PLSCR4: variants seen among roughly 807,000 people sequenced by gnomAD.
PLSCR4 encodes the protein phospholipid scramblase 4, also known as Ca(2+)-dependent phospholipid scramblase 4.
In PLSCR4, 25 loss-of-function variants were observed where a neutral mutation model predicts 36.3. The ratio of observed to expected loss-of-function variants is 0.69; its 90% CI spans 0.50 to 0.96. The LOEUF is 0.96. Ranked by LOEUF, PLSCR4 falls within the 40% of genes least tolerant of loss-of-function variation. PLSCR4 has a pLI of 0.00. For synonymous variants in PLSCR4, 122 were observed against 132.9 expected (o/e 0.92, Z 0.56); for missense variants, 408 against 414.7 (o/e 0.98, Z 0.14).
At chr3:146,195,640 C>T (rs1398955067) in intron 7 of PLSCR4, among the ~76,000 whole-genome samples, 3 of 152,082 alleles carry the variant, frequency 2.0e-5, no homozygotes, top group Admixed American at 1.3e-4. Context: ...GAGCAAAAAC[C>T]GGGAAACAAG....
At chr3:146,238,263 G>T (rs963079839) in intron 1 of PLSCR4, among the ~76,000 whole-genome samples, 1 of 149,830 alleles carries the variant, frequency 6.7e-6, no homozygotes, top group African/African-American at 2.4e-5. Flanking sequence ...TACTTAATAA[G>T]GAATGAATAT....
rs561128520 is a variant in PLSCR4 at position 146,222,811 on chromosome 3, G to A, written c.-21-719C>T. Among the ~76,000 whole-genome samples the A allele has an allele frequency of 3.9e-5, 6 of 152,280 alleles. No homozygotes were observed. In the South Asian group the frequency reaches 1.2e-3, roughly 32 times the overall value. Reference sequence around the variant, plus strand: ...TCATACAATGAGAGCAAGAGTAGAAGCAGGGAGCAGTGAGGGATGGCAGCA... The same window carrying A: ...TCATACAATGAGAGCAAGAGTAGAAACAGGGAGCAGTGAGGGATGGCAGCA... On this transcript the variant is annotated intron_variant, in intron 1 of 8. Coordinates refer to ENST00000354952, the MANE Select transcript of PLSCR4 (RefSeq NM_020353.3).
Position 146,206,506 on chromosome 3 carries a change from T to C in PLSCR4, c.354+20A>G. 1 of 1,530,946 alleles carries C rather than the reference T, an allele frequency of 6.5e-7. No homozygotes were observed. Among genetic ancestry groups the C allele is most frequent in the East Asian group, 2.3e-5 (1 of 44,440 alleles). 94.8% of individuals were successfully genotyped at this position (1,530,946 alleles called of 1,614,324 possible). A position where few individuals can be genotyped will look rare whatever the true frequency, so the allele number is the denominator to read the frequency against. On this transcript the variant is annotated intron_variant, in intron 4 of 8. Transcript: ENST00000354952. The stretch of plus-strand genomic sequence containing the variant: ...ATGGTCACATTTCATAAGAAAATAA[T>C]TTGTATTTTCATGGAGTACCTGAAC...
intron 4 of PLSCR4, among the ~76,000 whole-genome samples, chr3:146,204,757 T>A (rs1038391882): frequency 6.6e-6 from 1 of 152,138 alleles, no homozygotes; most frequent in East Asian, 1.9e-4. Flanking sequence ...GTAGAAGATG[T>A]TAGATTCCCA....
At position 146,212,230 on chromosome 3, in the gene PLSCR4, T is replaced by C. The variant is rs187254280; in HGVS notation, c.119-5469A>G. ...GTTTTATAGTTTTCAATATGAAAGA[T>C]ATTTTACTCCTTTTATTAAAGTTAC... On this transcript the variant is annotated intron_variant, in intron 3 of 8. Coordinates refer to ENST00000354952, the MANE Select transcript of PLSCR4 (RefSeq NM_020353.3). Among the ~76,000 whole-genome samples the C allele has an allele frequency of 3.9e-3, 588 of 152,200 alleles. 1 individual carries two copies. Among genetic ancestry groups the C allele is most frequent in the African/African-American group, 0.014 (562 of 41,574 alleles).
chr3:146,236,586 G>A (rs2035928969), intron 1 of PLSCR4, among the ~76,000 whole-genome samples: 1 of 152,092 alleles, frequency 6.6e-6, no homozygotes, highest in South Asian at 2.1e-4. Context: ...GGTTTCATAA[G>A]GGGAAGTTTC....
In PLSCR4 at chr3:146,206,650, C is replaced by A. The variant is rs767537027; in HGVS notation, c.230G>T (p.Gly77Val). The stretch of plus-strand genomic sequence containing the variant: ...AGGCTGATACCGGACAGGATGGATA[C>A]CACCAACTGGCTGGTACAAAGGGAA... ...STFPLYQPVG[G>V]IHPVRYQPGK... The change falls in exon 4 of 9, where the codon GGT becomes GTT. Residue 77 changes from glycine (G) to valine (V), a missense_variant. Physicochemically the swap from Gly to Val is moderately radical, Grantham distance 109. Transcript: ENST00000354952. 6.2e-7 allele frequency: 1 copy of A among 1,613,284 alleles called. No homozygotes were observed. The highest frequency in any genetic ancestry group is 8.5e-7 in the Non-Finnish European group (1 of 1,179,660).
rs752362477 is a variant in PLSCR4 at position 146,195,321 on chromosome 3, G to A, written c.787-39C>T. On this transcript the variant is annotated intron_variant, in intron 7 of 8. Transcript: ENST00000354952. ...AATGTGCCTTTATGATGATTGAAACGCATTGAAGCATGTTTTAATGTTCTG... is the reference window on the plus strand; with the variant it reads ...AATGTGCCTTTATGATGATTGAAACACATTGAAGCATGTTTTAATGTTCTG... The A allele has an allele frequency of 5.2e-5, 78 of 1,503,168 alleles. 1 individual carries two copies. In the Admixed American group the frequency reaches 1.1e-3, roughly 21 times the overall value. 93.1% of individuals were successfully genotyped at this position (1,503,168 alleles called of 1,614,324 possible). A position where few individuals can be genotyped will look rare whatever the true frequency, so the allele number is the denominator to read the frequency against.
intron 3 of PLSCR4, among the ~76,000 whole-genome samples, chr3:146,207,049 T>A (rs1003543820): frequency 2.6e-5 from 4 of 152,160 alleles, no homozygotes; most frequent in Admixed American, 2.0e-4. Flanking sequence ...GTTAGCTTCT[T>A]AATAAATTAG....
intron 3 of PLSCR4, among the ~76,000 whole-genome samples, chr3:146,219,644 C>T (rs542496375): frequency 3.2e-4 from 48 of 152,170 alleles, no homozygotes; most frequent in Admixed American, 4.6e-4. Flanking sequence ...TGGCCGGGCA[C>T]GGTGGCTCAC....
Position 146,195,140 on chromosome 3 carries a change from C to G in PLSCR4, c.929G>C (p.Gly310Ala). 1.1e-5 allele frequency: 17 copies of G among 1,613,818 alleles called. No homozygotes were observed. Among genetic ancestry groups the G allele is most frequent in the Non-Finnish European group, 1.4e-5 (17 of 1,179,842 alleles). Residue 310 changes from glycine (G) to alanine (A), a missense_variant, in exon 8 of 9, where the codon GGA becomes GCA. Gly to Ala is a moderately conservative substitution (Grantham distance 60). Coordinates refer to ENST00000354952, the MANE Select transcript of PLSCR4 (RefSeq NM_020353.3). ...LDVKMKAMIF[G>A]ACFLIDFMYF... ...AAGGCTTACAATGAGGAAGCAAGCT[C>G]CAAAAATCATGGCTTTCATCTTCAC...
intron 1 of PLSCR4, among the ~76,000 whole-genome samples, chr3:146,240,998 G>A (rs1181176283): frequency 2.0e-5 from 3 of 152,038 alleles, no homozygotes; most frequent in African/African-American, 7.2e-5. Flanking sequence ...ATATGACTCA[G>A]CCATACAAAG....
chr3:146,196,908 T>C (rs2033776645), intron 6 of PLSCR4, 115 bp from the exon 7 acceptor site: 6 of 885,622 alleles, frequency 6.8e-6, no homozygotes, highest in African/African-American at 5.0e-5. Context: ...AGGGAAATTA[T>C]TGTTGGGAGT....
chr3:146,230,459 C>T (rs1208947630), intron 1 of PLSCR4, among the ~76,000 whole-genome samples: 1 of 152,078 alleles, frequency 6.6e-6, no homozygotes, highest in Non-Finnish European at 1.5e-5. Context: ...ATATTGTGAA[C>T]TGATCACATT....
chr3:146,219,975 A>G (rs1230751578), intron 3 of PLSCR4, among the ~76,000 whole-genome samples: 1 of 152,032 alleles, frequency 6.6e-6, no homozygotes, highest in Non-Finnish European at 1.5e-5. Context: ...TTGTGCCATT[A>G]TCTTGTACAT....
chr3:146,201,112 A>T (rs755498933), intron 4 of PLSCR4, 35 bp from the exon 5 acceptor site: 1 of 1,385,880 alleles, frequency 7.2e-7, no homozygotes, highest in Admixed American at 2.6e-5. Context: ...AGAAGACAGA[A>T]ATAACAGAAC....
At chr3:146,223,338 T>C (rs971601607) in intron 1 of PLSCR4, among the ~76,000 whole-genome samples, 9 of 152,064 alleles carry the variant, frequency 5.9e-5, no homozygotes, top group African/African-American at 1.7e-4. Context: ...AAAAAGAGTA[T>C]CAACAAAGGC....
intron 1 of PLSCR4, among the ~76,000 whole-genome samples, chr3:146,249,892 C>T (rs923185364): frequency 1.3e-5 from 2 of 152,014 alleles, no homozygotes; most frequent in African/African-American, 4.8e-5. Flanking sequence ...TCATGCCAAA[C>T]TGAATTTTAC....
intron 1 of PLSCR4, among the ~76,000 whole-genome samples, chr3:146,233,481 A>G (rs2035800074): frequency 6.6e-6 from 1 of 152,132 alleles, no homozygotes; most frequent in African/African-American, 2.4e-5. Context: ...AATATTTTTT[A>G]GAGAAGTTTT....
Sources: allele counts gnomAD v4.1 joint callset (sites outside exome capture counted in the v4.1 genomes callset), GRCh38; gene constraint gnomAD v4.1.1; transcripts MANE v1.5; gene names NCBI Gene and HGNC (gene_info 2026-07-23, HGNC 2026-07-21).